LY75: variants seen among roughly 807,000 people sequenced by gnomAD.
LY75 encodes C-type lectin domain family 13 member B.
Under a neutral mutation model 231.7 loss-of-function variants are expected in LY75, and 185 were observed. The ratio of observed to expected loss-of-function variants is 0.80; its 90% CI spans 0.71 to 0.90. The LOEUF (loss-of-function observed/expected upper bound fraction) is 0.90. LY75 is among the 40% of genes least tolerant of loss of function. The pLI, the probability that LY75 is intolerant of heterozygous loss-of-function variation, is 0.00. For missense variants in LY75, 1,947 were observed against 2,050.2 expected, an observed-to-expected ratio of 0.95 and a Z score of 0.97; for synonymous variants, 668 against 689.0, an observed-to-expected ratio of 0.97 and a Z score of 0.48.
In LY75 at chr2:159,878,466, C is replaced by A; in HGVS notation, c.1632G>T (p.Leu544Phe). 6.2e-7 allele frequency: 1 copy of A among 1,614,016 alleles called. No individual in the cohort carries two copies. The highest frequency in any genetic ancestry group is 8.5e-7 in the Non-Finnish European group (1 of 1,179,974). The change falls in exon 11 of 35, where the codon TTG becomes TTT. Residue 544 changes from leucine (L) to phenylalanine (F), a missense_variant. Transcript: ENST00000263636. Reference protein sequence around the residue: ...SRFEQEYLNDLMKKYDKSLRK... With the variant: ...SRFEQEYLNDFMKKYDKSLRK... ...TTAGAGATTTATCATACTTTTTCAT[C>A]AAATCATTTAGGTATTCTTGCTCAA...
chr2:159,855,060 G>T, intron 16 of LY75, 121 bp from the exon 17 acceptor site: 1 of 1,246,100 alleles, frequency 8.0e-7, no homozygotes, highest in Admixed American at 2.2e-5. Context: ...TCCATTTCTG[G>T]CCAACCCACT....
rs1051846276 is a variant in LY75, at chr2:159,804,193, T to G, written c.*851A>C. 1 of 152,174 alleles carries G rather than the reference T, an allele frequency of 6.6e-6. No homozygotes were observed. Among genetic ancestry groups the G allele is most frequent in the Admixed American group, 6.5e-5 (1 of 15,270 alleles). 9.4% of individuals were successfully genotyped at this position (152,174 alleles called of 1,614,324 possible). A position where few individuals can be genotyped will look rare whatever the true frequency, so the allele number is the denominator to read the frequency against. ...CTTTGGAATAATATAAGAAACATCT[T>G]GCCAAGAGGAATCATTTTGCTATAT... On this transcript the variant is annotated 3_prime_UTR_variant, in exon 35 of 35. Coordinates refer to ENST00000263636, the MANE Select transcript of LY75 (RefSeq NM_002349.4).
intron 28 of LY75, among the ~76,000 whole-genome samples, chr2:159,826,724 A>G (rs1052995012): frequency 3.9e-5 from 6 of 152,214 alleles, no homozygotes; most frequent in Admixed American, 6.5e-5. Flanking sequence ...AGGCTACAGT[A>G]ACCAAAACAT....
rs67887100 is a variant in LY75, at chr2:159,850,773, CATATATAT to C, written c.2884-314_2884-307del. 2.2e-4 allele frequency among the ~76,000 whole-genome samples: 6 copies of C among 27,176 alleles called. 1 individual carries two copies. The highest frequency in any genetic ancestry group is 1.1e-3 in the Admixed American group (2 of 1,844). The allele number at this position is 27,176 out of a possible 152,430, so 17.8% of individuals were successfully genotyped here. ...AACTGAAGAGCGGTCTTCAAACTTT[CATATATAT>C]ATATATATATATATATATTATATCT... On this transcript the variant is annotated intron_variant, in intron 21 of 34. Transcript: ENST00000263636.
chr2:159,839,595 G>T (rs545279313), intron 25 of LY75, among the ~76,000 whole-genome samples: 1 of 152,192 alleles, frequency 6.6e-6, no homozygotes, highest in South Asian at 2.1e-4. Context: ...TAGAGACTGG[G>T]GTTTTGCTAT....
intron 3 of LY75, 66 bp downstream of exon 3, chr2:159,893,848 C>T: frequency 6.6e-7 from 1 of 1,510,640 alleles, no homozygotes; most frequent in Non-Finnish European, 8.8e-7. Context: ...TTGAACTCTT[C>T]CTTCTCCCTA....
chr2:159,874,207 ATAG>A (rs1685121781), intron 12 of LY75, among the ~76,000 whole-genome samples: 3 of 132,472 alleles, frequency 2.3e-5, no homozygotes, highest in East Asian at 2.2e-4. Context: ...GTAAATATAT[ATAG>A]TAAATATATA....
intron 23 of LY75, among the ~76,000 whole-genome samples, chr2:159,844,075 A>T (rs1684124335): frequency 6.6e-6 from 1 of 152,152 alleles, no homozygotes; most frequent in Admixed American, 6.6e-5. Flanking sequence ...ATTTCAGAAC[A>T]CAGAAAAGAT....
At chr2:159,829,096 A>G (rs1683569748) in intron 28 of LY75, among the ~76,000 whole-genome samples, 1 of 152,196 alleles carries the variant, frequency 6.6e-6, no homozygotes, top group African/African-American at 2.4e-5. Context: ...GCATATTACA[A>G]TTATAAATTG....
chr2:159,862,012 TG>T (rs1430356544), intron 14 of LY75, among the ~76,000 whole-genome samples: 1 of 151,740 alleles, frequency 6.6e-6, no homozygotes, highest in African/African-American at 2.4e-5. Context: ...AAGAATTAGC[TG>T]GGCGTGGAAG....
intron 30 of LY75, 150 bp from the exon 31 acceptor site, chr2:159,815,723 G>GT: frequency 5.1e-6 from 5 of 971,398 alleles, no homozygotes; most frequent in Non-Finnish European, 7.3e-6. Context: ...ATTATTGTAG[G>GT]TCTGATTTAC....
intron 16 of LY75, among the ~76,000 whole-genome samples, chr2:159,856,571 T>G (rs1432601428): frequency 6.6e-6 from 1 of 152,140 alleles, no homozygotes. Context: ...CTTAGAAAGT[T>G]AGGTACAGTA....
At chr2:159,873,001 C>G (rs1274128914) in intron 12 of LY75, among the ~76,000 whole-genome samples, 1 of 152,014 alleles carries the variant, frequency 6.6e-6, no homozygotes, top group Non-Finnish European at 1.5e-5. Flanking sequence ...ACACAGTGAC[C>G]CACACAAAAA....
chr2:159,894,014 C>A lies in LY75; in HGVS notation c.537G>T (p.Trp179Cys). The stretch of plus-strand genomic sequence containing the variant: ...CTTCATCAAGAATGCAATCATGATG[C>A]CAGGTCCCATCAATTAAGAATGGAA... ...CEFPFLIDGT[W>C]HHDCILDEDH... Residue 179 changes from tryptophan (W) to cysteine (C), a missense_variant, in exon 3 of 35, where the codon TGG becomes TGT. Trp to Cys is a radical substitution (Grantham distance 215). Coordinates refer to ENST00000263636, the MANE Select transcript of LY75 (RefSeq NM_002349.4). The A allele has an allele frequency of 6.2e-7, 1 of 1,613,834 alleles. No individual in the cohort carries two copies. The highest frequency in any genetic ancestry group is 8.5e-7 in the Non-Finnish European group (1 of 1,179,840).
At position 159,860,809 on chromosome 2, in the gene LY75, C is replaced by G; in HGVS notation, c.2268+12G>C. 1 of 1,613,736 alleles carries G rather than the reference C, an allele frequency of 6.2e-7. No individual in the cohort carries two copies. The highest frequency in any genetic ancestry group is 8.5e-7 in the Non-Finnish European group (1 of 1,179,762). On this transcript the variant is annotated intron_variant, in intron 15 of 34. Coordinates refer to ENST00000263636, the MANE Select transcript of LY75 (RefSeq NM_002349.4). ...TGTTTTAAATATGCAGATTTTCCAGCATTGTACTGACCTTGACAGCAGCAC... is the reference window on the plus strand; with the variant it reads ...TGTTTTAAATATGCAGATTTTCCAGGATTGTACTGACCTTGACAGCAGCAC...
At chr2:159,884,584 G>A (rs1685531810) in intron 6 of LY75, among the ~76,000 whole-genome samples, 1 of 152,168 alleles carries the variant, frequency 6.6e-6, no homozygotes, top group South Asian at 2.1e-4. Flanking sequence ...GATAGAAGAG[G>A]GCTGGGTGCT....
chr2:159,826,456 A>G (rs1227701329), intron 28 of LY75, among the ~76,000 whole-genome samples: 1 of 152,142 alleles, frequency 6.6e-6, no homozygotes, highest in East Asian at 1.9e-4. Context: ...GAAATAAAAG[A>G]GGACACAAAC....
At chr2:159,817,162 T>C in intron 29 of LY75, 130 bp from the exon 30 acceptor site, 1 of 983,866 alleles carries the variant, frequency 1.0e-6, no homozygotes, top group East Asian at 2.7e-5. Flanking sequence ...AGGTCAAATG[T>C]ATATTTTATT....
chr2:159,904,000 T>G (rs1157478840), intron 1 of LY75, among the ~76,000 whole-genome samples: 3 of 152,226 alleles, frequency 2.0e-5, no homozygotes, highest in African/African-American at 7.2e-5. Context: ...AAAGGTTTGT[T>G]GCTCTAGGCG....
Sources: allele counts gnomAD v4.1 joint callset (sites outside exome capture counted in the v4.1 genomes callset), GRCh38; gene constraint gnomAD v4.1.1; transcripts MANE v1.5; gene names NCBI Gene and HGNC (gene_info 2026-07-23, HGNC 2026-07-21).